Variants in PPM1A observed in about 807,000 individuals in gnomAD.
PPM1A encodes the protein protein phosphatase, Mg2+/Mn2+ dependent 1A.
A neutral mutation model predicts 35.0 loss-of-function variants in PPM1A; 7 were observed. That is an observed-to-expected ratio of 0.20 (90% confidence interval 0.11 to 0.38). The LOEUF (loss-of-function observed/expected upper bound fraction) is 0.38, where lower values mean the gene tolerates loss of function less well. Ranked by LOEUF, PPM1A falls within the 10% of genes least tolerant of loss-of-function variation. PPM1A has a pLI of 1.00. For missense variants in PPM1A, 239 were observed against 467.8 expected (o/e 0.51, Z 4.51); for synonymous variants, 153 against 167.3 (o/e 0.91, Z 0.66).
rs185766715 is a variant in PPM1A at position 60,274,468 on chromosome 14, A to G, written c.-20-8216A>G. ...AACATGGGTGACACTTGTGGCTTTA[A>G]AAGTCACACTCCAACTGAGAAATGT... On this transcript the variant is annotated intron_variant, in intron 1 of 5. Transcript: ENST00000395076. Among the ~76,000 whole-genome samples the G allele has an allele frequency of 1.2e-3, 182 of 152,136 alleles. 2 individuals are homozygous for G. The highest frequency in any genetic ancestry group is 2.1e-3 in the Non-Finnish European group (145 of 68,010).
intron 1 of PPM1A, among the ~76,000 whole-genome samples, chr14:60,270,963 G>C (rs1885019137): frequency 6.6e-6 from 1 of 152,186 alleles, no homozygotes; most frequent in South Asian, 2.1e-4. Flanking sequence ...TCACGAACTT[G>C]GTGGCTTAAA....
chr14:60,286,771 C>G, intron 3 of PPM1A: 1 of 980,622 alleles, frequency 1.0e-6, no homozygotes, highest in Non-Finnish European at 1.2e-6. Flanking sequence ...CTGTCTAGAG[C>G]TACTATTTTG....
chr14:60,249,157 G>T, upstream of PPM1A: 2 of 891,026 alleles, frequency 2.2e-6, no homozygotes, highest in Middle Eastern at 5.7e-4. This position sits in a 1 kb window ranked among gnomAD's most constrained non-coding sequence, Gnocchi z 4.5. Context: ...CCAGCGGGGC[G>T]GGGCGAGCGG....
intron 1 of PPM1A, among the ~76,000 whole-genome samples, chr14:60,257,515 A>G (rs1883271199): frequency 6.6e-6 from 1 of 152,240 alleles, no homozygotes; most frequent in South Asian, 2.1e-4. Flanking sequence ...CATCTATAAT[A>G]TGACCACCTC....
At chr14:60,280,484 T>C (rs906360249) in intron 1 of PPM1A, among the ~76,000 whole-genome samples, 1 of 152,274 alleles carries the variant, frequency 6.6e-6, no homozygotes, top group African/African-American at 2.4e-5. Flanking sequence ...TTGTCATTAC[T>C]ATTCTTTTCT....
At chr14:60,254,802 A>G (rs924753373) in intron 1 of PPM1A, among the ~76,000 whole-genome samples, 10 of 152,220 alleles carry the variant, frequency 6.6e-5, no homozygotes, top group Non-Finnish European at 8.8e-5. Flanking sequence ...ATGGTTTTTC[A>G]TTATATCATT....
chr14:60,287,860 A>C lies in PPM1A; in HGVS notation c.953-1946A>C, dbSNP rs1018821470. On this transcript the variant is annotated intron_variant, in intron 3 of 5. Transcript: ENST00000395076. ...TTTGCTACTGACTACCTTAGCTTTA[A>C]AGTTGCTAATTTGGAGATGACTGAT... The C allele has an allele frequency of 5.5e-5, 54 of 984,832 alleles. No homozygotes were observed. In the Middle Eastern group the frequency reaches 1.5e-3, roughly 28 times the overall value. 61.0% of individuals were successfully genotyped at this position (984,832 alleles called of 1,614,324 possible). A position where few individuals can be genotyped will look rare whatever the true frequency, so the allele number is the denominator to read the frequency against.
In PPM1A at chr14:60,282,499, C is replaced by T. The variant is rs984700951; in HGVS notation, c.-20-185C>T. 1.3e-5 allele frequency among the ~76,000 whole-genome samples: 2 copies of T among 152,172 alleles called. No individual in the cohort carries two copies. Among genetic ancestry groups the T allele is most frequent in the Non-Finnish European group, 2.9e-5 (2 of 68,028 alleles). On this transcript the variant is annotated intron_variant, in intron 1 of 5. Coordinates refer to ENST00000395076, the MANE Select transcript of PPM1A (RefSeq NM_021003.5). This position sits in a 1 kb window ranked among gnomAD's most constrained non-coding sequence, Gnocchi z 5.1. ...GCCTTTTTGTCTGTTGTGATCTGTG[C>T]TTCATCAGGCTTTCCCCCAGTTCCT...
At chr14:60,290,211 A>G (rs1235513715) in intron 4 of PPM1A, among the ~76,000 whole-genome samples, 5 of 152,200 alleles carry the variant, frequency 3.3e-5, no homozygotes, top group African/African-American at 7.2e-5. Context: ...ACTAAATTAC[A>G]TAGCACTACA....
chr14:60,297,394 T>C lies in PPM1A; in HGVS notation c.*4912T>C, dbSNP rs1398695753. 1 of 151,688 alleles carries C rather than the reference T, an allele frequency of 6.6e-6. No homozygotes were observed. Among genetic ancestry groups the C allele is most frequent in the Non-Finnish European group, 1.5e-5 (1 of 67,666 alleles). The allele number at this position is 151,688 out of a possible 1,614,324, so 9.4% of individuals were successfully genotyped here. ...ACCAACAAGAATGAACCTTTGCTGC[T>C]TCAGATAATTTGATTTTTCCAGCAA... is the stretch of plus-strand genomic sequence containing the variant. On this transcript the variant is annotated 3_prime_UTR_variant, in exon 6 of 6. Coordinates refer to ENST00000395076, the MANE Select transcript of PPM1A (RefSeq NM_021003.5).
intron 1 of PPM1A, among the ~76,000 whole-genome samples, chr14:60,251,985 C>T (rs1345999645): frequency 2.0e-5 from 3 of 152,106 alleles, no homozygotes; most frequent in African/African-American, 7.2e-5. Context: ...CAAGCTGGGT[C>T]TTGTTAAACC....
In PPM1A at chr14:60,282,962, G is replaced by A. The variant is rs1323998400; in HGVS notation, c.259G>A (p.Gly87Arg). ...DHITNNQDFKGSAGAPSVENV... is the reference protein window; with the variant it reads ...DHITNNQDFKRSAGAPSVENV... ...CATCACCAATAACCAGGATTTTAAA[G>A]GGTCTGCAGGAGCACCTTCTGTGGA... The change falls in exon 2 of 6, where the codon GGG becomes AGG. Residue 87 changes from glycine to arginine, a missense_variant. Transcript: ENST00000395076. The surrounding 1 kb of genome is among the most constrained non-coding windows in gnomAD (Gnocchi z 5.1). 1.2e-6 allele frequency: 2 copies of A among 1,614,094 alleles called. No homozygotes were observed.
chr14:60,246,433 T>C (rs906195664), upstream of PPM1A, among the ~76,000 whole-genome samples: 2 of 152,210 alleles, frequency 1.3e-5, no homozygotes, highest in Non-Finnish European at 1.5e-5. Flanking sequence ...GATAATCTTT[T>C]TCTTTGTTAA....
chr14:60,298,568 T>A lies in PPM1A; in HGVS notation c.*6086T>A, dbSNP rs1376285072. The A allele has an allele frequency of 1.3e-5, 2 of 151,772 alleles. No individual in the cohort carries two copies. Among genetic ancestry groups the A allele is most frequent in the Non-Finnish European group, 3.0e-5 (2 of 67,736 alleles). The allele number at this position is 151,772 out of a possible 1,614,324, so 9.4% of individuals were successfully genotyped here. The stretch of plus-strand genomic sequence containing the variant: ...CTTCTGGAACATAGAAACCATTATC[T>A]TACCTGGTTATCCCTTGACTAAATA... On this transcript the variant is annotated 3_prime_UTR_variant, in exon 6 of 6. Transcript: ENST00000395076.
In PPM1A at chr14:60,249,703, C is replaced by G. The variant is rs1416319620; in HGVS notation, c.-21+26C>G. The stretch of plus-strand genomic sequence containing the variant: ...GTAAGTGCGGCGCTCGGGCCGACGG[C>G]GGGCTGGCGGGCGGTGCGGGCCTGC... On this transcript the variant is annotated intron_variant, in intron 1 of 5. Coordinates refer to ENST00000395076, the MANE Select transcript of PPM1A (RefSeq NM_021003.5). This position sits in a 1 kb window ranked among gnomAD's most constrained non-coding sequence, Gnocchi z 4.5. 4 of 983,132 alleles carry G rather than the reference C, an allele frequency of 4.1e-6. No individual in the cohort carries two copies. In the African/African-American group the frequency reaches 7.0e-5, roughly 17 times the overall value. The allele number at this position is 983,132 out of a possible 1,614,324, so 60.9% of individuals were successfully genotyped here.
chr14:60,284,194 T>G (rs1886696554), intron 2 of PPM1A, among the ~76,000 whole-genome samples: 1 of 152,208 alleles, frequency 6.6e-6, no homozygotes, highest in Non-Finnish European at 1.5e-5. Flanking sequence ...AGCCCCTTTA[T>G]TTTACAGATG....
Position 60,294,736 on chromosome 14 carries a change from A to G in PPM1A, c.*2254A>G, listed in dbSNP as rs1480811701. 6.6e-6 allele frequency: 1 copy of G among 151,730 alleles called. No homozygotes were observed. The highest frequency in any genetic ancestry group is 1.5e-5 in the Non-Finnish European group (1 of 67,768). 9.4% of individuals were successfully genotyped at this position (151,730 alleles called of 1,614,324 possible). On this transcript the variant is annotated 3_prime_UTR_variant, in exon 6 of 6. Transcript: ENST00000395076. Reference sequence around the variant, plus strand: ...GAGCCTTTTTTTTTTGAGTCTTTAAACAAGAGAAAATTAAAATATTCCTGT... The same window carrying G: ...GAGCCTTTTTTTTTTGAGTCTTTAAGCAAGAGAAAATTAAAATATTCCTGT...
rs1356253872 is a variant in PPM1A at position 60,294,563 on chromosome 14, T to A, written c.*2081T>A. On this transcript the variant is annotated 3_prime_UTR_variant, in exon 6 of 6. Transcript: ENST00000395076. ...TAAATCCCTATTATAACAAACCAGT[T>A]CCTTAATATTTTAAGTAGACTGACA... The A allele has an allele frequency of 2.0e-5, 3 of 152,014 alleles. No individual in the cohort carries two copies. The highest frequency in any genetic ancestry group is 3.9e-4 in the East Asian group (2 of 5,184). 9.4% of individuals were successfully genotyped at this position (152,014 alleles called of 1,614,324 possible). A position where few individuals can be genotyped will look rare whatever the true frequency, so the allele number is the denominator to read the frequency against.
At chr14:60,291,535 T>C in intron 5 of PPM1A, 81 bp downstream of exon 5, 1 of 1,182,900 alleles carries the variant, frequency 8.5e-7, no homozygotes, top group Non-Finnish European at 1.2e-6. Flanking sequence ...TTTGCAGAGC[T>C]GTTCACTGTA....
Sources: gnomAD v4.1 joint callset for allele counts (sites outside exome capture counted in the v4.1 genomes callset) on GRCh38, gnomAD v4.1.1 for gene constraint, Gnocchi (gnomAD v3.1) non-coding constraint, MANE v1.5 for transcripts, NCBI Gene and HGNC (gene_info 2026-07-23, HGNC 2026-07-21) for gene names.